CSMD3: variants seen among roughly 807,000 people sequenced by gnomAD.
CSMD3 encodes the protein CUB and sushi domain-containing protein 3.
A neutral mutation model predicts 435.2 loss-of-function variants in CSMD3; 177 were observed. The ratio of observed to expected loss-of-function variants is 0.41; its 90% CI spans 0.36 to 0.46. CSMD3 has a LOEUF of 0.46. CSMD3 is among the 20% of genes least tolerant of loss of function. The probability of loss-of-function intolerance (pLI) is 0.34; values close to 1 mark genes in which losing one functional copy is unlikely to be tolerated. For synonymous variants in CSMD3, 1,656 were observed against 1,520.5 expected, an observed-to-expected ratio of 1.09 and a Z score of -2.07; for missense variants, 4,265 against 4,504.6, an observed-to-expected ratio of 0.95 and a Z score of 1.52.
chr8:112,631,117 G>A (rs975831579), intron 22 of CSMD3, among the ~76,000 whole-genome samples: 1 of 151,918 alleles, frequency 6.6e-6, no homozygotes, highest in African/African-American at 2.4e-5. Flanking sequence ...TTCCCTAAAG[G>A]ATCAATGACT....
rs897304943 is a variant in CSMD3 at position 112,263,491 on chromosome 8, C to T, written c.9862+148G>A. 3 of 675,248 alleles carry T rather than the reference C, an allele frequency of 4.4e-6. No homozygotes were observed. The African/African-American group carries it at 5.4e-5, about 12-fold the overall frequency. The allele number at this position is 675,248 out of a possible 1,614,324, so 41.8% of individuals were successfully genotyped here. On this transcript the variant is annotated intron_variant, in intron 61 of 70. Transcript: ENST00000297405. ...AATCAGAGAAGGAGAAACATAATGA[C>T]TTAATTACATGAAAAGTAGCTACAT...
chr8:112,487,267 T>A (rs950672370), intron 31 of CSMD3, among the ~76,000 whole-genome samples: 1 of 151,958 alleles, frequency 6.6e-6, no homozygotes, highest in African/African-American at 2.4e-5. Context: ...ACGGGGAGGG[T>A]AAATAGGAAT....
At chr8:112,965,157 T>C (rs909724319) in intron 7 of CSMD3, among the ~76,000 whole-genome samples, 3 of 151,868 alleles carry the variant, frequency 2.0e-5, no homozygotes, top group African/African-American at 7.2e-5. Flanking sequence ...TGAGCACAAA[T>C]AGAAAGTCTA....
chr8:112,926,531 C>CCTT (rs1366892547), intron 9 of CSMD3, among the ~76,000 whole-genome samples: 1 of 152,084 alleles, frequency 6.6e-6, no homozygotes, highest in Non-Finnish European at 1.5e-5. Flanking sequence ...CTAGAGTTGA[C>CCTT]CTTCTCATGA....
At chr8:113,033,612 A>C (rs1452240881) in intron 5 of CSMD3, among the ~76,000 whole-genome samples, 6 of 106,108 alleles carry the variant, frequency 5.7e-5, no homozygotes, top group Admixed American at 3.8e-4. Flanking sequence ...TTTGCTTTTG[A>C]TTTTACAGGC....
At chr8:112,798,181 A>G (rs563406130) in intron 13 of CSMD3, among the ~76,000 whole-genome samples, 1 of 152,052 alleles carries the variant, frequency 6.6e-6, no homozygotes, top group South Asian at 2.1e-4. Context: ...AGTTAAAATT[A>G]AAAACAGTGA....
intron 7 of CSMD3, among the ~76,000 whole-genome samples, chr8:112,975,305 C>T (rs1387715156): frequency 6.6e-6 from 1 of 151,996 alleles, no homozygotes; most frequent in African/African-American, 2.4e-5. Flanking sequence ...ATGGGTCAGG[C>T]AAAGAATAAG....
chr8:113,192,923 A>C (rs757094032), intron 3 of CSMD3, among the ~76,000 whole-genome samples: 8 of 151,652 alleles, frequency 5.3e-5, no homozygotes, highest in Non-Finnish European at 8.9e-5. Context: ...TAAAACGCTG[A>C]ATAAATGTTC....
At chr8:112,785,188 C>T (rs2078505812) in intron 13 of CSMD3, among the ~76,000 whole-genome samples, 1 of 151,682 alleles carries the variant, frequency 6.6e-6, no homozygotes, top group Non-Finnish European at 1.5e-5. Context: ...TAACAATGAA[C>T]AATCATTTGA....
chr8:112,558,621 C>G (rs761509589), intron 24 of CSMD3, among the ~76,000 whole-genome samples: 24 of 151,810 alleles, frequency 1.6e-4, no homozygotes, highest in Middle Eastern at 3.4e-3. Context: ...ATGAGGGTGA[C>G]GAAAGGTATC....
chr8:113,320,778 G>T (rs2093944164), intron 1 of CSMD3, among the ~76,000 whole-genome samples: 1 of 151,970 alleles, frequency 6.6e-6, no homozygotes, highest in Non-Finnish European at 1.5e-5. Context: ...CTAAATTTCT[G>T]TCTTCATCTG....
intron 11 of CSMD3, among the ~76,000 whole-genome samples, chr8:112,846,792 A>C (rs2129650559): frequency 6.6e-6 from 1 of 152,084 alleles, no homozygotes; most frequent in Non-Finnish European, 1.5e-5. Flanking sequence ...ACTTTAAATA[A>C]AGTATTTCAA....
intron 31 of CSMD3, among the ~76,000 whole-genome samples, chr8:112,489,687 T>C (rs906732742): frequency 1.5e-4 from 23 of 152,172 alleles, no homozygotes; most frequent in African/African-American, 5.5e-4. Flanking sequence ...AAACTCAGAC[T>C]TTTTTAAAAA....
At chr8:112,600,113 A>G (rs535655588) in intron 22 of CSMD3, among the ~76,000 whole-genome samples, 1 of 152,182 alleles carries the variant, frequency 6.6e-6, no homozygotes, top group East Asian at 1.9e-4. Flanking sequence ...ATAACTTAAA[A>G]CTAGGCTAAG....
At chr8:113,209,640 G>A (rs186639692) in intron 3 of CSMD3, among the ~76,000 whole-genome samples, 18 of 152,186 alleles carry the variant, frequency 1.2e-4, no homozygotes, top group Admixed American at 3.9e-4. Context: ...AACGAAATAC[G>A]TGAGATTTCC....
chr8:113,326,622 T>C (rs2132737874), intron 1 of CSMD3, among the ~76,000 whole-genome samples: 1 of 152,312 alleles, frequency 6.6e-6, no homozygotes, highest in Admixed American at 6.5e-5. Flanking sequence ...GTTTTATCTA[T>C]AAAACTTATT....
chr8:112,879,843 T>C (rs1327641563), intron 10 of CSMD3, among the ~76,000 whole-genome samples: 1 of 151,942 alleles, frequency 6.6e-6, no homozygotes, highest in African/African-American at 2.4e-5. Flanking sequence ...CACCATACGT[T>C]CTCACTTATA....
intron 1 of CSMD3, among the ~76,000 whole-genome samples, chr8:113,354,566 G>T (rs574403795): frequency 3.3e-5 from 5 of 152,216 alleles, no homozygotes; most frequent in African/African-American, 1.2e-4. Flanking sequence ...TTCAATTGGG[G>T]AGCTATTCAG....
chr8:113,159,567 C>T (rs901945866), intron 4 of CSMD3, among the ~76,000 whole-genome samples: 2 of 151,798 alleles, frequency 1.3e-5, no homozygotes, highest in Admixed American at 6.6e-5. Context: ...AGGTTATTAC[C>T]GTGTGACCTC....
Sources: allele counts gnomAD v4.1 joint callset (sites outside exome capture counted in the v4.1 genomes callset), GRCh38; gene constraint gnomAD v4.1.1; transcripts MANE v1.5; gene names NCBI Gene and HGNC (gene_info 2026-07-23, HGNC 2026-07-21).